Variants in CDH19 observed in about 807,000 individuals in gnomAD.
CDH19 encodes cadherin 19, also known as cadherin-19.
CDH19 carries 67 observed loss-of-function variants against 64.2 expected under a neutral mutation model. That is an observed-to-expected ratio of 1.04 (90% CI 0.86 to 1.28). CDH19 has a LOEUF of 1.28. CDH19 is among the 50% of genes most tolerant of loss of function. The pLI, the probability that CDH19 is intolerant of heterozygous loss-of-function variation, is 0.00. For missense variants in CDH19, 1,030 were observed against 929.0 expected, an observed-to-expected ratio of 1.11 and a Z score of -1.41; for synonymous variants, 346 against 319.3, an observed-to-expected ratio of 1.08 and a Z score of -0.89.
chr18:66,598,457 G>A (rs1318834144), intron 1 of CDH19, among the ~76,000 whole-genome samples: 2 of 151,992 alleles, frequency 1.3e-5, no homozygotes, highest in African/African-American at 2.4e-5. Flanking sequence ...ATCAACAATG[G>A]ACATAATAAG....
chr18:66,502,046 A>T lies in CDH19; in HGVS notation c.*2766T>A, dbSNP rs548351151. The T allele has an allele frequency of 6.6e-6, 1 of 152,246 alleles. No individual in the cohort carries two copies. Among genetic ancestry groups the T allele is most frequent in the African/African-American group, 2.4e-5 (1 of 41,570 alleles). 9.4% of individuals were successfully genotyped at this position (152,246 alleles called of 1,614,324 possible). On this transcript the variant is annotated 3_prime_UTR_variant, in exon 12 of 12. Coordinates refer to ENST00000262150, the MANE Select transcript of CDH19 (RefSeq NM_021153.4). ...TGTGCTATTTTCATAAATATTTTGC[A>T]TTAATTTAGAGTTTATTAAAATTTA...
chr18:66,534,500 T>G (rs1986581036), intron 8 of CDH19, among the ~76,000 whole-genome samples: 1 of 152,052 alleles, frequency 6.6e-6, no homozygotes. Context: ...ATTTTATATT[T>G]GTAATTTTAA....
intron 1 of CDH19, among the ~76,000 whole-genome samples, chr18:66,577,539 T>C (rs747840915): frequency 4.6e-5 from 7 of 151,976 alleles, no homozygotes; most frequent in African/African-American, 1.2e-4. Context: ...CTTTCATCCA[T>C]ACTTTACCGT....
At chr18:66,514,292 A>T (rs1013462725) in intron 9 of CDH19, among the ~76,000 whole-genome samples, 1 of 151,504 alleles carries the variant, frequency 6.6e-6, no homozygotes, top group African/African-American at 2.4e-5. Flanking sequence ...ACCGTAAAAG[A>T]CATGAAATTC....
In CDH19 at chr18:66,572,286, T is replaced by C; in HGVS notation, c.-82A>G. On this transcript the variant is annotated 5_prime_UTR_variant, in exon 2 of 12. Coordinates refer to ENST00000262150, the MANE Select transcript of CDH19 (RefSeq NM_021153.4). ...ACAAAAATCTTGCTTTCTTTTATAA[T>C]CTTTTCTGATTCTGTGTACCTTCTA... 9.1e-7 allele frequency: 1 copy of C among 1,095,158 alleles called. No individual in the cohort carries two copies. The highest frequency in any genetic ancestry group is 1.6e-5 in the South Asian group (1 of 60,966). 67.8% of individuals were successfully genotyped at this position (1,095,158 alleles called of 1,614,324 possible). A position where few individuals can be genotyped will look rare whatever the true frequency, so the allele number is the denominator to read the frequency against.
chr18:66,544,278 T>G (rs2144488313), intron 6 of CDH19, 54 bp from the exon 7 acceptor site: 1 of 1,528,608 alleles, frequency 6.5e-7, no homozygotes, highest in Non-Finnish European at 8.8e-7. Flanking sequence ...CCCAAGATAC[T>G]ATTTAGAAAA....
At chr18:66,510,955 A>G (rs1021437370) in intron 10 of CDH19, among the ~76,000 whole-genome samples, 8 of 151,550 alleles carry the variant, frequency 5.3e-5, no homozygotes, top group Non-Finnish European at 1.2e-4. Context: ...TATTATGACA[A>G]AAAGTATCTC....
chr18:66,519,326 A>C (rs1985880480), intron 9 of CDH19, among the ~76,000 whole-genome samples: 1 of 152,148 alleles, frequency 6.6e-6, no homozygotes, highest in African/African-American at 2.4e-5. Flanking sequence ...GTCCTCTTTT[A>C]CCTTCTTTCT....
chr18:66,592,636 T>C (rs1223828865), intron 1 of CDH19, among the ~76,000 whole-genome samples: 2 of 151,860 alleles, frequency 1.3e-5, no homozygotes, highest in African/African-American at 4.8e-5. Context: ...GAACTTGCAG[T>C]GTTTATCTTT....
intron 3 of CDH19, among the ~76,000 whole-genome samples, chr18:66,557,516 T>C (rs1987562408): frequency 6.6e-6 from 1 of 152,052 alleles, no homozygotes. Flanking sequence ...TCTGTGATAT[T>C]ATAAATATTC....
intron 9 of CDH19, among the ~76,000 whole-genome samples, chr18:66,525,256 A>G (rs1986175805): frequency 6.6e-6 from 1 of 152,158 alleles, no homozygotes; most frequent in Non-Finnish European, 1.5e-5. Flanking sequence ...AATAATTTTT[A>G]AAAACTACTT....
At chr18:66,593,075 C>T (rs79038009) in intron 1 of CDH19, among the ~76,000 whole-genome samples, 12,471 of 151,472 alleles carry the variant, frequency 0.082, 658 homozygotes, top group Non-Finnish European at 0.13. Context: ...TTTTTTTAGA[C>T]TTTTTGATAA....
At position 66,529,917 on chromosome 18, in the gene CDH19, G is replaced by A. The variant is rs777047526; in HGVS notation, c.1386C>T (p.Asn462=). ...AGAACTCAGGAGCATGATCATTGATGTTAAGAACTTGCACATACAGTGGGA... is the reference window on the plus strand; with the variant it reads ...AGAACTCAGGAGCATGATCATTGATATTAAGAACTTGCACATACAGTGGGA... The part of the protein sequence containing the change: ...SSIPLYVQVL[N]INDHAPEFSQ... The change falls in exon 9 of 12, where the codon AAC becomes AAT. Residue 462 remains asparagine (N), a synonymous_variant. Transcript: ENST00000262150. The A allele has an allele frequency of 1.3e-6, 2 of 1,579,228 alleles. No individual in the cohort carries two copies. Among genetic ancestry groups the A allele is most frequent in the African/African-American group, 1.4e-5 (1 of 73,776 alleles).
At chr18:66,586,026 C>G (rs1427822460) in intron 1 of CDH19, among the ~76,000 whole-genome samples, 1 of 152,012 alleles carries the variant, frequency 6.6e-6, no homozygotes, top group East Asian at 1.9e-4. Context: ...TAGAAATTGT[C>G]TTTTCTATGA....
chr18:66,584,716 T>C (rs1478353033), intron 1 of CDH19, among the ~76,000 whole-genome samples: 3 of 152,096 alleles, frequency 2.0e-5, no homozygotes, highest in Non-Finnish European at 4.4e-5. Context: ...TATTATGCAG[T>C]CTGATTTTAA....
In CDH19 at chr18:66,588,605, C is replaced by CAT. The variant is rs1263242803; in HGVS notation, c.-113+15347_-113+15348dup. 1.5e-3 allele frequency among the ~76,000 whole-genome samples: 180 copies of CAT among 116,790 alleles called. 22 individuals carry two copies. The highest frequency in any genetic ancestry group is 4.5e-3 in the Middle Eastern group (1 of 220). 76.6% of individuals were successfully genotyped at this position (116,790 alleles called of 152,430 possible). On this transcript the variant is annotated intron_variant, in intron 1 of 11. Transcript: ENST00000262150. ...AATGATCTTACTCATTTTTACTAAT[C>CAT]ATATATATCTATATCTATATCTATA...
In CDH19 at chr18:66,545,672, A is replaced by T. The variant is rs1302930821; in HGVS notation, c.776-769T>A. Among the ~76,000 whole-genome samples the T allele has an allele frequency of 7.9e-5, 12 of 152,246 alleles. No homozygotes were observed. In the South Asian group the frequency reaches 2.3e-3, roughly 29 times the overall value. ...TCAATTTTACTCTAACATTCCTGAT[A>T]CCTGAAGTTACTGAATAAATATACA... On this transcript the variant is annotated intron_variant, in intron 5 of 11. Coordinates refer to ENST00000262150, the MANE Select transcript of CDH19 (RefSeq NM_021153.4).
chr18:66,585,220 A>G (rs1988541893), intron 1 of CDH19, among the ~76,000 whole-genome samples: 1 of 152,086 alleles, frequency 6.6e-6, no homozygotes, highest in African/African-American at 2.4e-5. Flanking sequence ...AAATGCAGGG[A>G]AGAAGTCCTG....
intron 3 of CDH19, among the ~76,000 whole-genome samples, chr18:66,557,834 T>G (rs1987575343): frequency 6.6e-6 from 1 of 151,604 alleles, no homozygotes. Context: ...ACACATATAT[T>G]TTCAGTAAAT....
Sources: gnomAD v4.1 joint callset for allele counts (sites outside exome capture counted in the v4.1 genomes callset) on GRCh38, gnomAD v4.1.1 for gene constraint, MANE v1.5 for transcripts, NCBI Gene and HGNC (gene_info 2026-07-23, HGNC 2026-07-21) for gene names.